The following IVNS1ABP variants were observed in gnomAD, a reference collection of about 807,000 sequenced individuals.
IVNS1ABP encodes influenza virus NS1A-binding protein.
IVNS1ABP carries 25 observed loss-of-function variants against 78.9 expected under a neutral mutation model. The ratio of observed to expected loss-of-function variants is 0.32; its 90% confidence interval spans 0.23 to 0.44. The LOEUF (loss-of-function observed/expected upper bound fraction) is 0.44, where lower values mean the gene tolerates loss of function less well. Ranked by LOEUF, IVNS1ABP falls within the 20% of genes least tolerant of loss-of-function variation. IVNS1ABP has a pLI of 1.00. For missense variants in IVNS1ABP, 494 were observed against 768.9 expected, an observed-to-expected ratio of 0.64 and a Z score of 4.23; for synonymous variants, 241 against 259.7, an observed-to-expected ratio of 0.93 and a Z score of 0.69.
chr1:185,314,452 G>C (rs938142644), intron 1 of IVNS1ABP, among the ~76,000 whole-genome samples: 12 of 152,234 alleles, frequency 7.9e-5, no homozygotes, highest in Non-Finnish European at 2.9e-5. Flanking sequence ...AGGAAAAAAG[G>C]TATGATAGCA....
intron 10 of IVNS1ABP, 57 bp downstream of exon 10, chr1:185,300,915 G>C (rs1665578104): frequency 6.0e-6 from 8 of 1,340,202 alleles, no homozygotes; most frequent in South Asian, 4.9e-5. Context: ...TTGAAAGTTT[G>C]CATGTCACAA....
chr1:185,301,474 A>G lies in IVNS1ABP; in HGVS notation c.855T>C (p.Pro285=). The G allele has an allele frequency of 6.2e-7, 1 of 1,613,288 alleles. No individual in the cohort carries two copies. The highest frequency in any genetic ancestry group is 1.1e-5 in the South Asian group (1 of 91,070). ...AAGCAACGATTTTCCACTCATGCTT[A>G]GGGCTTTGTACTGTAGCATTTGGAG... is the stretch of plus-strand genomic sequence containing the variant. The part of the protein sequence containing the change: ...LSSPNATVQS[P]KHEWKIVASE... Residue 285 remains proline (P), a synonymous_variant, in exon 9 of 15, where the codon CCT becomes CCC. Coordinates refer to ENST00000367498, the MANE Select transcript of IVNS1ABP (RefSeq NM_006469.5).
chr1:185,309,205 T>A (rs2102820798), intron 3 of IVNS1ABP, 33 bp from the exon 4 acceptor site: 7 of 1,458,660 alleles, frequency 4.8e-6, no homozygotes, highest in Non-Finnish European at 6.5e-6. Flanking sequence ...TTATAAGTAT[T>A]GTGGATTATG....
At chr1:185,299,526 A>G (rs1230402331) in intron 14 of IVNS1ABP, 184 bp downstream of exon 14, 6 of 632,918 alleles carry the variant, frequency 9.5e-6, no homozygotes, top group Admixed American at 2.7e-5. Context: ...ATCAAGTATT[A>G]TAAGTCTTTG....
chr1:185,299,705 C>T lies in IVNS1ABP; in HGVS notation c.1675+5G>A. Reference sequence around the variant, plus strand: ...CTCTTCACCTCTCCAAATCCCAACACTCACCATTAAGAACAGCCACTCCAG... The same window carrying T: ...CTCTTCACCTCTCCAAATCCCAACATTCACCATTAAGAACAGCCACTCCAG... On this transcript the variant is annotated splice_donor_5th_base_variant and intron_variant, in intron 14 of 14. Transcript: ENST00000367498. 6.2e-7 allele frequency: 1 copy of T among 1,613,546 alleles called. No individual in the cohort carries two copies. Among genetic ancestry groups the T allele is most frequent in the Non-Finnish European group, 8.5e-7 (1 of 1,179,596 alleles).
intron 1 of IVNS1ABP, among the ~76,000 whole-genome samples, chr1:185,316,005 G>A (rs888583925): frequency 1.3e-5 from 2 of 152,124 alleles, no homozygotes; most frequent in Non-Finnish European, 2.9e-5. Context: ...CTACCTATTG[G>A]GGGAAAAAGT....
chr1:185,313,848 T>C (rs1442839427), intron 1 of IVNS1ABP, among the ~76,000 whole-genome samples: 1 of 152,198 alleles, frequency 6.6e-6, no homozygotes, highest in East Asian at 1.9e-4. Flanking sequence ...TTCAGATAAA[T>C]TCAGCATACT....
chr1:185,301,419 G>C lies in IVNS1ABP; in HGVS notation c.895+15C>G. ...AGGTAAGCTGAAAACAATCTGGCAA[G>C]TGTCATATACTTACTTGAAGTCTTT... On this transcript the variant is annotated intron_variant, in intron 9 of 14. Transcript: ENST00000367498. 1 of 1,612,318 alleles carries C rather than the reference G, an allele frequency of 6.2e-7. No individual in the cohort carries two copies. The highest frequency in any genetic ancestry group is 8.5e-7 in the Non-Finnish European group (1 of 1,178,814).
chr1:185,301,433 C>CT lies in IVNS1ABP; in HGVS notation c.895dup (p.Asn299LysfsTer2). On this transcript the variant is annotated frameshift_variant and splice_region_variant. Transcript: ENST00000367498. LOFTEE classifies it high-confidence loss of function. ...CAATCTGGCAAGTGTCATATACTTACTTGAAGTCTTTTCTGAAGCAACGAT... is the reference window on the plus strand; with the variant it reads ...CAATCTGGCAAGTGTCATATACTTACTTTGAAGTCTTTTCTGAAGCAACGAT... 1 of 1,613,104 alleles carries CT rather than the reference C, an allele frequency of 6.2e-7. No homozygotes were observed. The highest frequency in any genetic ancestry group is 8.5e-7 in the Non-Finnish European group (1 of 1,179,372).
In IVNS1ABP at chr1:185,310,096, T is replaced by G. The variant is rs192132249; in HGVS notation, c.-18-585A>C. 3.6e-3 allele frequency among the ~76,000 whole-genome samples: 547 copies of G among 152,342 alleles called. 4 individuals are homozygous for G. The highest frequency in any genetic ancestry group is 6.9e-3 in the Admixed American group (105 of 15,306). ...AGTACACAAACTTAAAAAGTCTGAT[T>G]AGTCTTGTCACTGTATCTACGAAAT... On this transcript the variant is annotated intron_variant, in intron 2 of 14. Coordinates refer to ENST00000367498, the MANE Select transcript of IVNS1ABP (RefSeq NM_006469.5).
chr1:185,298,001 C>A lies in IVNS1ABP; in HGVS notation c.*34G>T. The A allele has an allele frequency of 6.2e-7, 1 of 1,601,990 alleles. No homozygotes were observed. On this transcript the variant is annotated 3_prime_UTR_variant, in exon 15 of 15. Coordinates refer to ENST00000367498, the MANE Select transcript of IVNS1ABP (RefSeq NM_006469.5). The surrounding 1 kb of genome is among the most constrained non-coding windows in gnomAD (Gnocchi z 4.1). ...ACCTCTACTAACCATAATTACATCA[C>A]TAAGCCTGTTAGTTTGAGAGGGTCT...
intron 12 of IVNS1ABP, 31 bp downstream of exon 12, chr1:185,300,186 A>C: frequency 1.2e-6 from 2 of 1,608,252 alleles, no homozygotes; most frequent in Non-Finnish European, 1.7e-6. Flanking sequence ...ATATTTAAAT[A>C]CTGGATATCT....
chr1:185,301,903 C>T (rs933877038), intron 8 of IVNS1ABP, among the ~76,000 whole-genome samples: 1 of 152,030 alleles, frequency 6.6e-6, no homozygotes, highest in South Asian at 2.1e-4. Flanking sequence ...TAAAAGAATG[C>T]TATAAATTTA....
intron 2 of IVNS1ABP, among the ~76,000 whole-genome samples, chr1:185,310,161 A>G (rs909831108): frequency 6.6e-6 from 1 of 152,238 alleles, no homozygotes; most frequent in Non-Finnish European, 1.5e-5. Context: ...AGTGATTTAA[A>G]AAGATGAACT....
At chr1:185,310,867 T>G (rs1306709875) in intron 2 of IVNS1ABP, among the ~76,000 whole-genome samples, 1 of 151,818 alleles carries the variant, frequency 6.6e-6, no homozygotes, top group Admixed American at 6.6e-5. Flanking sequence ...AACAGAGATC[T>G]TATCTCTTTA....
chr1:185,316,833 G>T (rs1340636365), intron 1 of IVNS1ABP, 120 bp downstream of exon 1: 5 of 394,572 alleles, frequency 1.3e-5, no homozygotes, highest in Admixed American at 4.4e-5. Context: ...TGCCTCCCCT[G>T]ATGAGGACAC....
At position 185,308,061 on chromosome 1, in the gene IVNS1ABP, T is replaced by C. The variant is rs1665786783; in HGVS notation, c.358-399A>G. 8.4e-6 allele frequency: 13 copies of C among 1,545,508 alleles called. No individual in the cohort carries two copies. In the East Asian group the frequency reaches 2.9e-4, roughly 35 times the overall value. On this transcript the variant is annotated intron_variant, in intron 5 of 14. Coordinates refer to ENST00000367498, the MANE Select transcript of IVNS1ABP (RefSeq NM_006469.5). Reference sequence around the variant, plus strand: ...GGTTGGAGAAAAGATAACTAGGAAATAGTTTTGGAAAGACAGCAACTATAT... The same window carrying C: ...GGTTGGAGAAAAGATAACTAGGAAACAGTTTTGGAAAGACAGCAACTATAT...
rs375838982 is a variant in IVNS1ABP, at chr1:185,309,119, G to A, written c.165C>T (p.Pro55=). The change falls in exon 4 of 15, where the codon CCC becomes CCT. Residue 55 remains proline (P), a synonymous_variant. Coordinates refer to ENST00000367498, the MANE Select transcript of IVNS1ABP (RefSeq NM_006469.5). ...CACTATTAAAGATTTCAAATAAATA[G>A]GGACTGCAGCAAGCTAGCACTGCTC... ...AHRAVLACCS[P]YLFEIFNSDS... is the part of the protein sequence containing the mutation. 73 of 1,612,496 alleles carry A rather than the reference G, an allele frequency of 4.5e-5. No homozygotes were observed. The East Asian group carries it at 9.6e-4, about 21-fold the overall frequency.
chr1:185,297,103 T>TA lies in IVNS1ABP; in HGVS notation c.*931dup, dbSNP rs1408242208. 1 of 152,146 alleles carries TA rather than the reference T, an allele frequency of 6.6e-6. No homozygotes were observed. The highest frequency in any genetic ancestry group is 1.5e-5 in the Non-Finnish European group (1 of 68,026). The allele number at this position is 152,146 out of a possible 1,614,324, so 9.4% of individuals were successfully genotyped here. A position where few individuals can be genotyped will look rare whatever the true frequency, so the allele number is the denominator to read the frequency against. On this transcript the variant is annotated 3_prime_UTR_variant, in exon 15 of 15. Coordinates refer to ENST00000367498, the MANE Select transcript of IVNS1ABP (RefSeq NM_006469.5). ...CCTGCATTCACAACCTAATGTAGTTTAAAGTAAATTTTTTCACAATTGAGG... is the reference window on the plus strand; with the variant it reads ...CCTGCATTCACAACCTAATGTAGTTTAAAAGTAAATTTTTTCACAATTGAGG...
Sources: allele counts gnomAD v4.1 joint callset (sites outside exome capture counted in the v4.1 genomes callset), GRCh38; gene constraint gnomAD v4.1.1; non-coding constraint Gnocchi (gnomAD v3.1); transcripts MANE v1.5; gene names NCBI Gene and HGNC (gene_info 2026-07-23, HGNC 2026-07-21).